Variants in DEGS2 observed in about 807,000 individuals in gnomAD.
The protein encoded by DEGS2 is delta 4-desaturase, sphingolipid 2.
DEGS2 carries 19 observed loss-of-function variants against 23.8 expected under a neutral mutation model. That is an observed-to-expected ratio of 0.80 (90% confidence interval 0.56 to 1.17). The LOEUF is 1.17. Among genes scored for constraint, DEGS2 ranks in the 50% most tolerant of loss-of-function variants. The pLI is 0.00. For synonymous variants in DEGS2, 218 were observed against 213.7 expected (o/e 1.02, Z -0.18); for missense variants, 390 against 459.5 (o/e 0.85, Z 1.38).
chr14:100,150,316 C>T (rs546518080), intron 1 of DEGS2, among the ~76,000 whole-genome samples: 134 of 152,184 alleles, frequency 8.8e-4, no homozygotes, highest in Non-Finnish European at 1.5e-3. Context: ...TACCCAGGGA[C>T]GCCCCTGCCC....
chr14:100,166,239 T>TGGGGGGAGCCTGTCCGGGGGAGC, the DEGS2 span, among the ~76,000 whole-genome samples: 1 of 38,626 alleles, frequency 2.6e-5, no homozygotes, highest in East Asian at 8.7e-4. Flanking sequence ...TCCAGGAGAG[T>TGGGGGGAGCCTGTCCGGGGGAGC]GGGGGGAGCC....
intron 1 of DEGS2, among the ~76,000 whole-genome samples, chr14:100,156,432 C>G (rs1182918344): frequency 6.6e-6 from 1 of 152,374 alleles, no homozygotes. Flanking sequence ...ATCATCGCAG[C>G]TGATACTCAT....
intron 1 of DEGS2, among the ~76,000 whole-genome samples, chr14:100,151,399 G>T (rs906709934): frequency 6.6e-6 from 1 of 152,216 alleles, no homozygotes; most frequent in African/African-American, 2.4e-5. Flanking sequence ...AGCAGTGCAC[G>T]AGGCAGCTGA....
chr14:100,166,307 G>C, the DEGS2 span, among the ~76,000 whole-genome samples: 6,526 of 59,374 alleles, frequency 0.11, 1,597 homozygotes, highest in African/African-American at 0.3. Context: ...GCCCGGGGCT[G>C]TGGGGGAGCC....
chr14:100,144,091 C>T lies in DEGS2; in HGVS notation c.*2670G>A, dbSNP rs1000673527. 7 of 339,088 alleles carry T rather than the reference C, an allele frequency of 2.1e-5. No individual in the cohort carries two copies. The highest frequency in any genetic ancestry group is 8.6e-4 in the Middle Eastern group (1 of 1,166). 21.0% of individuals were successfully genotyped at this position (339,088 alleles called of 1,614,324 possible). A position where few individuals can be genotyped will look rare whatever the true frequency, so the allele number is the denominator to read the frequency against. ...GTGACGCTGTTAGCGCCTCAGCTGG[C>T]GGTGACAGCCGGCCCAGCGTGGCGC... On this transcript the variant is annotated 3_prime_UTR_variant, in exon 3 of 3. Transcript: ENST00000305631.
chr14:100,149,841 C>G, intron 1 of DEGS2, 131 bp from the exon 2 acceptor site: 1 of 960,104 alleles, frequency 1.0e-6, no homozygotes, highest in Admixed American at 2.8e-5. Flanking sequence ...CCCTTTGCCC[C>G]TGCACACAGG....
At chr14:100,162,909 A>C (rs1285482110), upstream of DEGS2, among the ~76,000 whole-genome samples, 4 of 152,254 alleles carry the variant, frequency 2.6e-5, no homozygotes, top group African/African-American at 9.6e-5. Context: ...TGCAGAAAAC[A>C]GGCCAGAAGA....
In DEGS2 at chr14:100,149,293, G is replaced by A; in HGVS notation, c.500C>T (p.Pro167Leu). 1 of 1,612,726 alleles carries A rather than the reference G, an allele frequency of 6.2e-7. No homozygotes were observed. The highest frequency in any genetic ancestry group is 8.5e-7 in the Non-Finnish European group (1 of 1,179,854). The change falls in exon 2 of 3, where the codon CCC (proline) becomes CTC (leucine). Residue 167 changes from proline to leucine, a missense_variant. Pro to Leu is a moderately conservative substitution (Grantham distance 98). Coordinates refer to ENST00000305631, the MANE Select transcript of DEGS2 (RefSeq NM_206918.3). ...GAGCGGCCGTAGTGAGTAGAAGAAG[G>A]GCTGCAGCACCAGCCAGAGCAGCTT... ...ARKLLWLVLQPFFYSLRPLCV... is the reference protein window; with the variant it reads ...ARKLLWLVLQLFFYSLRPLCV...
intron 2 of DEGS2, among the ~76,000 whole-genome samples, chr14:100,148,138 C>T (rs1889487239): frequency 6.6e-6 from 1 of 152,208 alleles, no homozygotes; most frequent in African/African-American, 2.4e-5. Context: ...TGCACAAACA[C>T]CTGCACAACC....
In DEGS2 at chr14:100,144,907, A is replaced by G. The variant is rs1455547558; in HGVS notation, c.*1854T>C. 1 of 152,232 alleles carries G rather than the reference A, an allele frequency of 6.6e-6. No individual in the cohort carries two copies. The highest frequency in any genetic ancestry group is 1.5e-5 in the Non-Finnish European group (1 of 68,082). 9.4% of individuals were successfully genotyped at this position (152,232 alleles called of 1,614,324 possible). On this transcript the variant is annotated 3_prime_UTR_variant, in exon 3 of 3. Coordinates refer to ENST00000305631, the MANE Select transcript of DEGS2 (RefSeq NM_206918.3). The stretch of plus-strand genomic sequence containing the variant: ...CTGATCTCAAGGGCCGGCTCCTAGC[A>G]CACTGCACGTTGTTGGGCTTCCCGG...
At position 100,149,204 on chromosome 14, in the gene DEGS2, C is replaced by T. The variant is rs1255106744; in HGVS notation, c.589G>A (p.Asp197Asn). 12 of 1,612,356 alleles carry T rather than the reference C, an allele frequency of 7.4e-6. No individual in the cohort carries two copies. The highest frequency in any genetic ancestry group is 5.3e-5 in the African/African-American group (4 of 74,942). Residue 197 changes from aspartate to asparagine, a missense_variant, in exon 2 of 3, where the codon GAC becomes AAC. Transcript: ENST00000305631. ...CCCCAAAGGGCAAAGATGGCCAGGT[C>T]GGCCGCCAGCTGCACCAGCGTGTTG... ...VLNTLVQLAA[D>N]LAIFALWGLK...
Position 100,159,626 on chromosome 14 carries a change from G to GGCTCT in DEGS2, c.-44_-40dup, listed in dbSNP as rs1246730817. On this transcript the variant is annotated 5_prime_UTR_variant, in exon 1 of 3. Coordinates refer to ENST00000305631, the MANE Select transcript of DEGS2 (RefSeq NM_206918.3). ...GCGCCGTTCGGAGCGCGGCCGGCTC[G>GGCTCT]GCTCTGCTGCACCTGTCGCGGCGGC... 3 of 1,434,940 alleles carry GGCTCT rather than the reference G, an allele frequency of 2.1e-6. No homozygotes were observed. Among genetic ancestry groups the GGCTCT allele is most frequent in the Admixed American group, 2.4e-5 (1 of 41,336 alleles). 88.9% of individuals were successfully genotyped at this position (1,434,940 alleles called of 1,614,324 possible). A position where few individuals can be genotyped will look rare whatever the true frequency, so the allele number is the denominator to read the frequency against.
intron 1 of DEGS2, chr14:100,155,491 G>A (rs563415251): frequency 1.3e-5 from 2 of 152,398 alleles, no homozygotes; most frequent in Admixed American, 1.3e-4. Context: ...AGTGTGGCAA[G>A]TGTCCAGCTT....
chr14:100,149,488 G>A lies in DEGS2; in HGVS notation c.305C>T (p.Ala102Val), dbSNP rs565126428. The A allele has an allele frequency of 1.7e-5, 27 of 1,598,120 alleles. No homozygotes were observed. The highest frequency in any genetic ancestry group is 1.0e-4 in the Admixed American group (6 of 58,038). The change falls in exon 2 of 3, where the codon GCG becomes GTG. Residue 102 changes from alanine (A) to valine (V), a missense_variant. Physicochemically the swap from Ala to Val is moderately conservative, Grantham distance 64. Transcript: ENST00000305631. ...CACGGCCAGCCAGCGGTTGCGTGCC[G>A]CACGGCCCGTGCCGAAGGCCGCGTT... is the stretch of plus-strand genomic sequence containing the variant. ...SHNAAFGTGR[A>V]ARNRWLAVFA...
At position 100,146,605 on chromosome 14, in the gene DEGS2, C is replaced by T. The variant is rs1168920561; in HGVS notation, c.*156G>A. On this transcript the variant is annotated 3_prime_UTR_variant, in exon 3 of 3. Coordinates refer to ENST00000305631, the MANE Select transcript of DEGS2 (RefSeq NM_206918.3). The stretch of plus-strand genomic sequence containing the variant: ...CCACGTGCAGACGGAGCCCTGCAGC[C>T]CACACTGCTGTTGCCAGGTGTGGCT... 2.7e-6 allele frequency: 3 copies of T among 1,103,056 alleles called. No individual in the cohort carries two copies. In the East Asian group the frequency reaches 7.3e-5, roughly 27 times the overall value. The allele number at this position is 1,103,056 out of a possible 1,614,324, so 68.3% of individuals were successfully genotyped here. A position where few individuals can be genotyped will look rare whatever the true frequency, so the allele number is the denominator to read the frequency against.
At chr14:100,147,150 A>C (rs909764047) in intron 2 of DEGS2, among the ~76,000 whole-genome samples, 1 of 152,104 alleles carries the variant, frequency 6.6e-6, no homozygotes, top group Non-Finnish European at 1.5e-5. Context: ...CTCCCTGCCA[A>C]CCACCACTTC....
At chr14:100,161,154 C>A (rs1456096051), upstream of DEGS2, among the ~76,000 whole-genome samples, 1 of 141,094 alleles carries the variant, frequency 7.1e-6, no homozygotes, top group Non-Finnish European at 1.6e-5. Context: ...TAAAAAGCTT[C>A]CAAAATCAGA....
In DEGS2 at chr14:100,152,144, C is replaced by T. The variant is rs556099339; in HGVS notation, c.83-2434G>A. 8.5e-5 allele frequency among the ~76,000 whole-genome samples: 13 copies of T among 152,216 alleles called. No individual in the cohort carries two copies. The South Asian group carries it at 1.5e-3, about 17-fold the overall frequency. On this transcript the variant is annotated intron_variant, in intron 1 of 2. Coordinates refer to ENST00000305631, the MANE Select transcript of DEGS2 (RefSeq NM_206918.3). The stretch of plus-strand genomic sequence containing the variant: ...CATGGTGTCTCAGCAGGAGCCATTC[C>T]GGCACAGCCCGAGGCAAGGCGAGGG...
intron 2 of DEGS2, 104 bp from the exon 3 acceptor site, chr14:100,147,011 A>G: frequency 1.5e-6 from 2 of 1,371,998 alleles, no homozygotes; most frequent in Admixed American, 2.1e-5. Context: ...GCACATGCAT[A>G]TTCATGTACG....
Sources: gnomAD v4.1 joint callset for allele counts (sites outside exome capture counted in the v4.1 genomes callset) on GRCh38, gnomAD v4.1.1 for gene constraint, MANE v1.5 for transcripts, NCBI Gene and HGNC (gene_info 2026-07-23, HGNC 2026-07-21) for gene names.